Variants in CEMIP2 observed in about 807,000 individuals in gnomAD.
The protein encoded by CEMIP2 is cell surface hyaluronidase CEMIP2.
CEMIP2 carries 79 observed loss-of-function variants against 146.9 expected under a neutral mutation model. The ratio of observed to expected loss-of-function variants is 0.54; its 90% CI spans 0.45 to 0.65. CEMIP2 has a LOEUF of 0.65. Ranked by LOEUF, CEMIP2 falls within the 30% of genes least tolerant of loss-of-function variation. The pLI is 0.00. For synonymous variants in CEMIP2, 601 were observed against 606.3 expected (o/e 0.99, Z 0.13); for missense variants, 1,596 against 1,696.2 (o/e 0.94, Z 1.04).
rs745795469 is a variant in CEMIP2 at position 71,715,109 on chromosome 9, C to A, written c.2436-20G>T. On this transcript the variant is annotated intron_variant, in intron 14 of 23. Coordinates refer to ENST00000377044, the MANE Select transcript of CEMIP2 (RefSeq NM_013390.3). ...CCATCACTGTTAAAATGCGAACAATCATTAGCTACATTTCTCCAGAAAATT... is the reference window on the plus strand; with the variant it reads ...CCATCACTGTTAAAATGCGAACAATAATTAGCTACATTTCTCCAGAAAATT... 2 of 1,609,282 alleles carry A rather than the reference C, an allele frequency of 1.2e-6. No individual in the cohort carries two copies. The highest frequency in any genetic ancestry group is 3.4e-5 in the Admixed American group (2 of 59,084).
In CEMIP2 at chr9:71,685,739, A is replaced by C; in HGVS notation, c.3955+4T>G. 1 of 1,610,826 alleles carries C rather than the reference A, an allele frequency of 6.2e-7. No homozygotes were observed. Among genetic ancestry groups the C allele is most frequent in the Non-Finnish European group, 8.5e-7 (1 of 1,177,186 alleles). ...GAACTTCATGAAATAATACAAATACAAACCTTTGTCATAAAGATGAGCTGG... is the reference window on the plus strand; with the variant it reads ...GAACTTCATGAAATAATACAAATACCAACCTTTGTCATAAAGATGAGCTGG... On this transcript the variant is annotated splice_donor_region_variant and intron_variant, in intron 23 of 23. Transcript: ENST00000377044.
intron 1 of CEMIP2, among the ~76,000 whole-genome samples, chr9:71,765,936 G>A (rs775953443): frequency 2.0e-5 from 3 of 152,190 alleles, no homozygotes; most frequent in Non-Finnish European, 1.5e-5. Flanking sequence ...CTAGCTGAAT[G>A]GATGGTGGGT....
At position 71,722,316 on chromosome 9, in the gene CEMIP2, T is replaced by C. The variant is rs1823256246; in HGVS notation, c.2267+111A>G. 8.3e-6 allele frequency: 7 copies of C among 842,308 alleles called. No individual in the cohort carries two copies. The South Asian group carries it at 9.6e-5, about 12-fold the overall frequency. The allele number at this position is 842,308 out of a possible 1,614,324, so 52.2% of individuals were successfully genotyped here. ...TTCCAAAAACCCTTTTACGAACTTCTAAAACTTTATTTTAAATGTATTACC... is the reference window on the plus strand; with the variant it reads ...TTCCAAAAACCCTTTTACGAACTTCCAAAACTTTATTTTAAATGTATTACC... On this transcript the variant is annotated intron_variant, in intron 12 of 23. Coordinates refer to ENST00000377044, the MANE Select transcript of CEMIP2 (RefSeq NM_013390.3).
At chr9:71,766,149 A>G (rs1439871548) in intron 1 of CEMIP2, among the ~76,000 whole-genome samples, 3 of 149,994 alleles carry the variant, frequency 2.0e-5, no homozygotes, top group Non-Finnish European at 4.4e-5. Context: ...GCTCACTGCA[A>G]CCTCCACCTC....
intron 2 of CEMIP2, 22 bp downstream of exon 2, chr9:71,750,021 A>G (rs777647276): frequency 1.3e-6 from 2 of 1,553,910 alleles, no homozygotes; most frequent in Admixed American, 1.9e-5. Context: ...AATATGTTCT[A>G]TGTGCATATA....
At chr9:71,697,622 A>G (rs908958608) in intron 20 of CEMIP2, among the ~76,000 whole-genome samples, 1 of 152,234 alleles carries the variant, frequency 6.6e-6, no homozygotes, top group African/African-American at 2.4e-5. Flanking sequence ...CACTGTGCCA[A>G]CAAAACAAAG....
intron 8 of CEMIP2, 152 bp from the exon 9 acceptor site, chr9:71,730,405 A>G (rs1196122108): frequency 2.6e-6 from 2 of 771,366 alleles, no homozygotes; most frequent in Non-Finnish European, 4.1e-6. Context: ...GGCTTAATTT[A>G]TCTCTGAAGG....
At chr9:71,739,986 A>C (rs1823867447) in intron 5 of CEMIP2, 77 bp downstream of exon 5, 1 of 1,357,292 alleles carries the variant, frequency 7.4e-7, no homozygotes, top group East Asian at 2.3e-5. Flanking sequence ...ATTTGAACAT[A>C]ATACTATTCT....
intron 10 of CEMIP2, among the ~76,000 whole-genome samples, chr9:71,728,276 T>TATATATATATATAC (rs1823483178): frequency 1.0e-4 from 1 of 9,762 alleles, no homozygotes. Context: ...TATATATATA[T>TATATATATATATAC]ATATGTATAT....
chr9:71,710,423 C>G (rs1217438242), intron 16 of CEMIP2, among the ~76,000 whole-genome samples: 1 of 152,150 alleles, frequency 6.6e-6, no homozygotes, highest in Non-Finnish European at 1.5e-5. Context: ...GCGGCAAGTT[C>G]TTGGTTCCAC....
chr9:71,725,801 A>C (rs1823367790), intron 10 of CEMIP2, 92 bp from the exon 11 acceptor site: 3 of 1,403,488 alleles, frequency 2.1e-6, no homozygotes, highest in Non-Finnish European at 2.8e-6. Context: ...CAGCAAGTTT[A>C]ATCTTTTTCA....
chr9:71,691,508 A>G (rs1036025972), intron 21 of CEMIP2, among the ~76,000 whole-genome samples: 1 of 152,100 alleles, frequency 6.6e-6, no homozygotes, highest in Middle Eastern at 3.4e-3. Context: ...AGTAAATTTT[A>G]TATGTGGAAA....
chr9:71,688,358 A>ATGC (rs1362641623), intron 22 of CEMIP2, among the ~76,000 whole-genome samples: 1 of 151,740 alleles, frequency 6.6e-6, no homozygotes, highest in African/African-American at 2.4e-5. Context: ...CTTAAGTTTC[A>ATGC]TGCTGGTATG....
intron 1 of CEMIP2, among the ~76,000 whole-genome samples, chr9:71,767,159 G>A (rs943215625): frequency 1.3e-5 from 2 of 152,194 alleles, no homozygotes; most frequent in Non-Finnish European, 2.9e-5. Flanking sequence ...CTCCATTCTA[G>A]CCAACCAAAG....
chr9:71,702,343 A>G (rs1445263862), intron 18 of CEMIP2, among the ~76,000 whole-genome samples: 1 of 151,682 alleles, frequency 6.6e-6, no homozygotes, highest in Admixed American at 6.6e-5. Flanking sequence ...TAGAAAATGC[A>G]GACAAAAGAT....
rs184006951 is a variant in CEMIP2, at chr9:71,704,089, C to T, written c.3194+506G>A. Among the ~76,000 whole-genome samples, 560 of 152,210 alleles carry T rather than the reference C, an allele frequency of 3.7e-3. 2 individuals are homozygous for T. Among genetic ancestry groups the T allele is most frequent in the Non-Finnish European group, 6.5e-3 (442 of 68,018 alleles). On this transcript the variant is annotated intron_variant, in intron 18 of 23. Coordinates refer to ENST00000377044, the MANE Select transcript of CEMIP2 (RefSeq NM_013390.3). ...TTGGATTGCCTGTGATTAGAACAGA[C>T]AACTGAGAAATCAAGAAGGGATAAA...
intron 2 of CEMIP2, among the ~76,000 whole-genome samples, chr9:71,747,392 A>T (rs1489382411): frequency 2.0e-5 from 3 of 152,224 alleles, no homozygotes. Context: ...CCTCAGGCAA[A>T]GGAGGCATGG....
chr9:71,713,269 G>C (rs145831801), intron 15 of CEMIP2, among the ~76,000 whole-genome samples: 19 of 152,012 alleles, frequency 1.2e-4, no homozygotes, highest in Non-Finnish European at 2.4e-4. Context: ...CACGATATCC[G>C]ATGGTTTTAA....
chr9:71,707,497 A>G (rs1822781139), intron 17 of CEMIP2, among the ~76,000 whole-genome samples: 1 of 152,180 alleles, frequency 6.6e-6, no homozygotes, highest in African/African-American at 2.4e-5. Context: ...TTTAAGTTTT[A>G]AAATTTAAAA....
Sources: allele counts gnomAD v4.1 joint callset (sites outside exome capture counted in the v4.1 genomes callset), GRCh38; gene constraint gnomAD v4.1.1; transcripts MANE v1.5; gene names NCBI Gene and HGNC (gene_info 2026-07-23, HGNC 2026-07-21).